Variants in TIAM1 observed in about 807,000 individuals in gnomAD.
TIAM1 encodes the protein rho guanine nucleotide exchange factor TIAM1.
In TIAM1, 65 loss-of-function variants were observed where a neutral mutation model predicts 163.5. The ratio of observed to expected loss-of-function variants is 0.40; its 90% confidence interval spans 0.33 to 0.49. The LOEUF is 0.49. TIAM1 is among the 20% of genes least tolerant of loss of function. The pLI, the probability that TIAM1 is intolerant of heterozygous loss-of-function variation, is 0.77. For missense variants in TIAM1, 1,789 were observed against 2,044.7 expected (o/e 0.87, Z 2.41); for synonymous variants, 833 against 810.1 (o/e 1.03, Z -0.48).
rs190234139 is a variant in TIAM1, at chr21:31,364,489, G to C, written c.-368-25067C>G. On this transcript the variant is annotated intron_variant, in intron 2 of 28. Coordinates refer to the TIAM1 transcript ENST00000286827. ...CCCCCAGCAACTGAAGTGGGTGTGG[G>C]GGAGTGGAGAAGGTTATATTTGAGC... Among the ~76,000 whole-genome samples the C allele has an allele frequency of 2.1e-3, 317 of 152,324 alleles. 1 individual carries two copies. The highest frequency in any genetic ancestry group is 7.3e-3 in the African/African-American group (305 of 41,572).
At chr21:31,286,059 A>G (rs1388113823) in intron 2 of TIAM1, among the ~76,000 whole-genome samples, 1 of 152,164 alleles carries the variant, frequency 6.6e-6, no homozygotes, top group East Asian at 1.9e-4. Flanking sequence ...GGCAAGTATG[A>G]TAGTTGGGAA....
At chr21:31,472,409 C>T (rs893146230) in intron 1 of TIAM1, among the ~76,000 whole-genome samples, 1 of 152,118 alleles carries the variant, frequency 6.6e-6, no homozygotes. Flanking sequence ...TGCCTGTAGT[C>T]CCAGCTACTC....
intron 2 of TIAM1, among the ~76,000 whole-genome samples, chr21:31,351,485 T>A (rs1035099258): frequency 2.0e-4 from 30 of 152,238 alleles, no homozygotes; most frequent in Admixed American, 1.8e-3. Context: ...CCATCTAGAA[T>A]TAATAAGCAA....
chr21:31,155,672 T>A (rs571178649), intron 16 of TIAM1, among the ~76,000 whole-genome samples: 1 of 151,994 alleles, frequency 6.6e-6, no homozygotes, highest in East Asian at 1.9e-4. Flanking sequence ...GCCCGGCTAT[T>A]TTTTTGTATT....
chr21:31,227,709 T>C (rs1020570715), intron 6 of TIAM1, among the ~76,000 whole-genome samples: 14 of 152,228 alleles, frequency 9.2e-5, no homozygotes, highest in Non-Finnish European at 1.6e-4. Context: ...CTTTATTTTA[T>C]AGTTGTCTCC....
chr21:31,347,907 CAG>C (rs1569253267), upstream of TIAM1, among the ~76,000 whole-genome samples: 5 of 152,134 alleles, frequency 3.3e-5, no homozygotes. Flanking sequence ...GCTAAACAGA[CAG>C]AAGAGGACTA....
intron 2 of TIAM1, among the ~76,000 whole-genome samples, chr21:31,382,729 T>C (rs1361332275): frequency 1.3e-5 from 2 of 152,130 alleles, no homozygotes; most frequent in Non-Finnish European, 2.9e-5. Context: ...ATCACAAAAG[T>C]CAAGGTCTTT....
intron 2 of TIAM1, among the ~76,000 whole-genome samples, chr21:31,361,465 T>A (rs1377510325): frequency 6.6e-6 from 1 of 152,092 alleles, no homozygotes; most frequent in Non-Finnish European, 1.5e-5. Flanking sequence ...AATGTTGCAT[T>A]TCTCGAGCTG....
At chr21:31,489,487 A>G (rs868270415) in intron 1 of TIAM1, among the ~76,000 whole-genome samples, 2 of 126,548 alleles carry the variant, frequency 1.6e-5, no homozygotes, top group African/African-American at 3.1e-5. Flanking sequence ...AGATGAAAGA[A>G]AGAGAGAGAG....
chr21:31,470,393 G>A (rs989966409), intron 1 of TIAM1, among the ~76,000 whole-genome samples: 5 of 151,956 alleles, frequency 3.3e-5, no homozygotes, highest in African/African-American at 1.2e-4. Flanking sequence ...GAGTGCAGTG[G>A]CACGATCTCG....
At chr21:31,300,189 T>C (rs1371443979) in intron 2 of TIAM1, among the ~76,000 whole-genome samples, 1 of 152,156 alleles carries the variant, frequency 6.6e-6, no homozygotes, top group Non-Finnish European at 1.5e-5. Flanking sequence ...CTCGGTATCT[T>C]GCTCCTGCTC....
At chr21:31,154,100 A>T in intron 17 of TIAM1, 147 bp downstream of exon 17, 1 of 904,360 alleles carries the variant, frequency 1.1e-6, no homozygotes, top group South Asian at 1.8e-5. Flanking sequence ...AGCTTTTAAC[A>T]TTCAGAGTAT....
At chr21:31,500,325 C>CA (rs1029119261) in intron 1 of TIAM1, among the ~76,000 whole-genome samples, 3 of 152,124 alleles carry the variant, frequency 2.0e-5, no homozygotes, top group Admixed American at 1.3e-4. Flanking sequence ...TCCTGAAACT[C>CA]AGTTTTCTCT....
At chr21:31,287,927 G>A (rs1226332308) in intron 2 of TIAM1, among the ~76,000 whole-genome samples, 1 of 152,072 alleles carries the variant, frequency 6.6e-6, no homozygotes, top group Non-Finnish European at 1.5e-5. Flanking sequence ...GGCCCAACGG[G>A]GACAGTGAGT....
At chr21:31,373,003 C>T (rs1168899179) in intron 2 of TIAM1, among the ~76,000 whole-genome samples, 11 of 143,612 alleles carry the variant, frequency 7.7e-5, no homozygotes, top group African/African-American at 1.3e-4. Context: ...TTCGGTGAGC[C>T]GAGATTGCAC....
rs529169887 is a variant in TIAM1 at position 31,465,727 on chromosome 21, T to C, written c.-421-1692A>G. Among the ~76,000 whole-genome samples the C allele has an allele frequency of 2.0e-4, 30 of 152,258 alleles. No individual in the cohort carries two copies. In the South Asian group the frequency reaches 2.3e-3, roughly 12 times the overall value. On this transcript the variant is annotated intron_variant, in intron 1 of 28. Transcript: ENST00000286827. ...CTGGGACTACAGGCGCCCGCCACCA[T>C]GCCCAGCGAATTTTTTGTATTTTTA...
chr21:31,247,601 A>AC (rs1208499809), intron 5 of TIAM1, among the ~76,000 whole-genome samples: 1 of 151,950 alleles, frequency 6.6e-6, no homozygotes, highest in Non-Finnish European at 1.5e-5. Flanking sequence ...TCACTATGTT[A>AC]CCCAGGTTGG....
chr21:31,543,752 G>C (rs1208269829), intron 1 of TIAM1, among the ~76,000 whole-genome samples: 10 of 152,198 alleles, frequency 6.6e-5, no homozygotes, highest in Non-Finnish European at 2.9e-5. Flanking sequence ...ATTTGAACAA[G>C]GAGTCCTGTC....
intron 2 of TIAM1, among the ~76,000 whole-genome samples, chr21:31,358,019 G>A (rs2147129187): frequency 6.6e-6 from 1 of 152,284 alleles, no homozygotes; most frequent in East Asian, 1.9e-4. Flanking sequence ...CTCAGTGAGG[G>A]AGATAGGTAG....
Sources: gnomAD v4.1 joint callset for allele counts (sites outside exome capture counted in the v4.1 genomes callset) on GRCh38, gnomAD v4.1.1 for gene constraint, MANE v1.5 for transcripts, NCBI Gene and HGNC (gene_info 2026-07-23, HGNC 2026-07-21) for gene names.